NTRK3: variants seen among roughly 807,000 people sequenced by gnomAD.
NTRK3 encodes neurotrophic receptor tyrosine kinase 3.
In NTRK3, 24 loss-of-function variants were observed where a neutral mutation model predicts 91.7. The observed-to-expected ratio is 0.26, with a 90% CI of 0.19 to 0.37. NTRK3 has a LOEUF of 0.37. NTRK3 is among the 10% of genes least tolerant of loss of function. The pLI is 1.00. For synonymous variants in NTRK3, 483 were observed against 404.0 expected, an observed-to-expected ratio of 1.20 and a Z score of -2.34; for missense variants, 880 against 1,068.9, an observed-to-expected ratio of 0.82 and a Z score of 2.46.
At chr15:87,935,278 G>C (rs531333602) in intron 15 of NTRK3, among the ~76,000 whole-genome samples, 4 of 152,178 alleles carry the variant, frequency 2.6e-5, no homozygotes, top group Non-Finnish European at 5.9e-5. Context: ...AAAGGTGCCA[G>C]GCTTGAGGAT....
intron 5 of NTRK3, among the ~76,000 whole-genome samples, chr15:88,158,463 C>G (rs2044125095): frequency 6.6e-6 from 1 of 152,194 alleles, no homozygotes; most frequent in African/African-American, 2.4e-5. Context: ...GATGCCTGGG[C>G]AGGGCCTGAG....
At chr15:88,187,120 G>A (rs147145584) in intron 3 of NTRK3, among the ~76,000 whole-genome samples, 1 of 152,298 alleles carries the variant, frequency 6.6e-6, no homozygotes, top group East Asian at 1.9e-4. Flanking sequence ...GAGCAGTCTT[G>A]TTCTCAGTTT....
chr15:88,171,151 G>C lies in NTRK3; in HGVS notation c.395+12267C>G, dbSNP rs185434076. On this transcript the variant is annotated intron_variant, in intron 5 of 18. Coordinates refer to ENST00000394480, the Ensembl canonical transcript of NTRK3. ...GAGGAAGGGAGAGGGACTCAGGGCT[G>C]AAGTGGGCTGCAATGGAGGCTTAAG... Among the ~76,000 whole-genome samples the C allele has an allele frequency of 2.0e-5, 3 of 152,336 alleles. No homozygotes were observed. The East Asian group carries it at 5.8e-4, about 29-fold the overall frequency.
At chr15:88,043,553 C>T (rs555625109) in intron 13 of NTRK3, among the ~76,000 whole-genome samples, 19 of 152,190 alleles carry the variant, frequency 1.2e-4, no homozygotes, top group Non-Finnish European at 2.6e-4. Context: ...CTCATGCCTC[C>T]ACCCACTCAC....
At chr15:88,041,787 C>T (rs972057632) in intron 13 of NTRK3, among the ~76,000 whole-genome samples, 2 of 137,264 alleles carry the variant, frequency 1.5e-5, no homozygotes, top group Admixed American at 8.0e-5. Context: ...TCGCGTGCAT[C>T]ACACCATCTT....
intron 17 of NTRK3, among the ~76,000 whole-genome samples, chr15:87,896,664 G>C (rs1239320781): frequency 2.0e-5 from 3 of 151,494 alleles, no homozygotes; most frequent in Non-Finnish European, 3.0e-5. Flanking sequence ...GGATATATTA[G>C]TTTGGATATC....
chr15:88,022,418 A>C (rs1378816384), intron 14 of NTRK3, among the ~76,000 whole-genome samples: 4 of 152,222 alleles, frequency 2.6e-5, no homozygotes, highest in African/African-American at 9.6e-5. Context: ...CTGGTTCAGA[A>C]TTATGACCCT....
chr15:87,880,829 G>C (rs1231951733), intron 17 of NTRK3, among the ~76,000 whole-genome samples: 1 of 152,204 alleles, frequency 6.6e-6, no homozygotes, highest in Non-Finnish European at 1.5e-5. Context: ...TAGATTCTTG[G>C]CTGCAGTGGC....
chr15:87,945,546 G>A (rs2070377012), intron 14 of NTRK3, among the ~76,000 whole-genome samples: 8 of 152,108 alleles, frequency 5.3e-5, no homozygotes, highest in Admixed American at 5.2e-4. Flanking sequence ...AGAGGTCAGT[G>A]GGCAGGCAGG....
At chr15:88,180,559 G>T (rs1232037161) in intron 5 of NTRK3, among the ~76,000 whole-genome samples, 4 of 152,036 alleles carry the variant, frequency 2.6e-5, no homozygotes, top group Non-Finnish European at 4.4e-5. Context: ...TTAGGGGTGG[G>T]AGACAGTTCA....
At chr15:87,887,669 G>C (rs2065628109) in intron 17 of NTRK3, among the ~76,000 whole-genome samples, 1 of 152,168 alleles carries the variant, frequency 6.6e-6, no homozygotes, top group South Asian at 2.1e-4. Flanking sequence ...GTCTGGGAAA[G>C]GTAGTGGTCA....
chr15:87,914,427 A>T lies in NTRK3; in HGVS notation c.2133+14764T>A, dbSNP rs1469255992. Among the ~76,000 whole-genome samples, 3 of 152,216 alleles carry T rather than the reference A, an allele frequency of 2.0e-5. 1 individual carries two copies. The highest frequency in any genetic ancestry group is 7.2e-5 in the African/African-American group (3 of 41,448). On this transcript the variant is annotated intron_variant, in intron 17 of 18. Coordinates refer to ENST00000394480, the Ensembl canonical transcript of NTRK3. ...AAATACGCATACTCAGAGTCCCCAC[A>T]TACTGACCACTGGTGCCCAGTGAGT...
chr15:88,180,343 A>G (rs1055504032), intron 5 of NTRK3, among the ~76,000 whole-genome samples: 5 of 152,328 alleles, frequency 3.3e-5, no homozygotes, highest in Non-Finnish European at 4.4e-5. Context: ...CTTGATATGT[A>G]TTCATCCATA....
rs1288150213 is a variant in NTRK3, at chr15:88,256,088, C to G, written c.66G>C (p.Trp22Cys). The change falls in exon 3 of 19, where the codon TGG becomes TGC. Residue 22 changes from tryptophan to cysteine, a missense_variant. Around this residue, in one of 3 missense-constraint regions of NTRK3, gnomAD observed 743 missense variants for 868.6 expected, o/e 0.86. Coordinates refer to ENST00000394480, the Ensembl canonical transcript of NTRK3. ...CCAGCACGGAGCCCACATAGTCCAG[C>G]CAGACGCTTCCCAGCAAGAAAATCC... The G allele has an allele frequency of 6.2e-7, 1 of 1,612,874 alleles. No homozygotes were observed. Among genetic ancestry groups the G allele is most frequent in the African/African-American group, 1.3e-5 (1 of 74,624 alleles).
chr15:88,022,943 G>C (rs537052122), intron 14 of NTRK3, among the ~76,000 whole-genome samples: 1 of 152,152 alleles, frequency 6.6e-6, no homozygotes, highest in East Asian at 1.9e-4. Flanking sequence ...AGGTGGTCTC[G>C]GCCCAGGGAG....
At chr15:88,081,606 G>A (rs753008175) in intron 13 of NTRK3, among the ~76,000 whole-genome samples, 2 of 152,182 alleles carry the variant, frequency 1.3e-5, no homozygotes, top group Non-Finnish European at 2.9e-5. Flanking sequence ...CCTCTGAATC[G>A]GAAAGGGTAG....
At chr15:87,941,885 T>C (rs1051086986) in intron 14 of NTRK3, among the ~76,000 whole-genome samples, 1 of 152,240 alleles carries the variant, frequency 6.6e-6, no homozygotes, top group African/African-American at 2.4e-5. Flanking sequence ...TTACATTAAT[T>C]GTTCAACAGG....
intron 17 of NTRK3, among the ~76,000 whole-genome samples, chr15:87,886,866 T>C (rs2065586658): frequency 6.6e-6 from 1 of 150,734 alleles, no homozygotes; most frequent in Non-Finnish European, 1.5e-5. Flanking sequence ...GTGGACCTAA[T>C]TTAAGTTCTA....
intron 13 of NTRK3, among the ~76,000 whole-genome samples, chr15:88,057,981 G>A (rs1173593086): frequency 6.6e-6 from 1 of 152,224 alleles, no homozygotes; most frequent in East Asian, 1.9e-4. Context: ...AAAAGGGCGG[G>A]CCAGGGACGG....
Sources: allele counts gnomAD v4.1 joint callset (sites outside exome capture counted in the v4.1 genomes callset), GRCh38; gene constraint gnomAD v4.1.1; regional missense constraint gnomAD v4.1.1; transcripts MANE v1.5; gene names NCBI Gene and HGNC (gene_info 2026-07-23, HGNC 2026-07-21).